Variants in FOXK1 observed in about 807,000 individuals in gnomAD.
FOXK1 encodes the protein forkhead box protein K1.
In FOXK1, 19 loss-of-function variants were observed where a neutral mutation model predicts 51.9. The observed-to-expected ratio is 0.37, with a 90% CI of 0.26 to 0.54. The LOEUF (loss-of-function observed/expected upper bound fraction) is 0.54. Ranked by LOEUF, FOXK1 falls within the 20% of genes least tolerant of loss-of-function variation. The pLI is 0.87. For missense variants in FOXK1, 870 were observed against 1,032.7 expected (o/e 0.84, Z 2.16); for synonymous variants, 537 against 482.6 (o/e 1.11, Z -1.48).
At chr7:4,693,887 A>G (rs532628235) in intron 1 of FOXK1, among the ~76,000 whole-genome samples, 6 of 152,072 alleles carry the variant, frequency 3.9e-5, no homozygotes, top group South Asian at 4.2e-4. Context: ...AAAAATAACA[A>G]AAGTTTTTTT....
chr7:4,759,603 A>G lies in FOXK1; in HGVS notation c.1696+8A>G. 1 of 1,532,336 alleles carries G rather than the reference A, an allele frequency of 6.5e-7. No individual in the cohort carries two copies. Among genetic ancestry groups the G allele is most frequent in the East Asian group, 2.4e-5 (1 of 40,860 alleles). 94.9% of individuals were successfully genotyped at this position (1,532,336 alleles called of 1,614,324 possible). On this transcript the variant is annotated splice_region_variant and intron_variant, in intron 7 of 8. Transcript: ENST00000328914. ...TGGGCAGCGAGGCCAGAGGTAATGC[A>G]GCCGCGGCTGGCAGCCTTCGCAGGA... is the stretch of plus-strand genomic sequence containing the variant.
chr7:4,714,671 C>T (rs145685276), intron 1 of FOXK1, among the ~76,000 whole-genome samples: 1,616 of 152,326 alleles, frequency 0.011, 25 homozygotes, highest in African/African-American at 0.026. Context: ...TTTTTCAAGG[C>T]TCATCTTAAG....
Position 4,722,345 on chromosome 7 carries a change from G to A in FOXK1, c.561-18493G>A, listed in dbSNP as rs1005971642. Among the ~76,000 whole-genome samples, 8 of 152,194 alleles carry A rather than the reference G, an allele frequency of 5.3e-5. No individual in the cohort carries two copies. Among genetic ancestry groups the A allele is most frequent in the Non-Finnish European group, 7.3e-5 (5 of 68,042 alleles). On this transcript the variant is annotated intron_variant, in intron 1 of 8. Transcript: ENST00000328914. The surrounding 1 kb of genome is among the most constrained non-coding windows in gnomAD (Gnocchi z 5.1). ...AGGTTTTACCCAGATTCCCATTGTT[G>A]CCTCTTATGTACTTTGGTCGTTCGT...
chr7:4,770,832 T>TA lies in FOXK1; in HGVS notation c.*8373dup, dbSNP rs776886748. The TA allele has an allele frequency of 7.9e-5, 12 of 151,468 alleles. No individual in the cohort carries two copies. Among genetic ancestry groups the TA allele is most frequent in the Non-Finnish European group, 1.5e-4 (10 of 67,974 alleles). The allele number at this position is 151,468 out of a possible 1,614,324, so 9.4% of individuals were successfully genotyped here. On this transcript the variant is annotated 3_prime_UTR_variant, in exon 9 of 9. Transcript: ENST00000328914. ...TTTAATCTGAACGATTATTCTCCTG[T>TA]AAAAATAATTTGGGAGGGGCGGGTG... is the stretch of plus-strand genomic sequence containing the variant.
intron 1 of FOXK1, among the ~76,000 whole-genome samples, chr7:4,740,226 C>T (rs896381825): frequency 4.6e-5 from 7 of 152,204 alleles, no homozygotes; most frequent in East Asian, 3.9e-4. Context: ...GTCAGGAGAT[C>T]GAGACCATCC....
At position 4,747,462 on chromosome 7, in the gene FOXK1, A is replaced by C. The variant is rs950906404; in HGVS notation, c.746+6439A>C. Among the ~76,000 whole-genome samples the C allele has an allele frequency of 6.6e-6, 1 of 152,202 alleles. No individual in the cohort carries two copies. Among genetic ancestry groups the C allele is most frequent in the Non-Finnish European group, 1.5e-5 (1 of 68,036 alleles). On this transcript the variant is annotated intron_variant, in intron 2 of 8. Coordinates refer to ENST00000328914, the MANE Select transcript of FOXK1 (RefSeq NM_001037165.2). The surrounding 1 kb of genome is among the most constrained non-coding windows in gnomAD (Gnocchi z 9.2). ...CACCAGGGCAAAGTGCACTTCAGAA[A>C]CAAGTTAATTTTATTTTCTAAATTA...
At chr7:4,688,512 C>A (rs974068552) in intron 1 of FOXK1, among the ~76,000 whole-genome samples, 2 of 152,042 alleles carry the variant, frequency 1.3e-5, no homozygotes, top group African/African-American at 2.4e-5. Context: ...CCCCCTGCCT[C>A]AGCCTCCCAA....
chr7:4,706,043 C>CGTATATATAT (rs1562373240), intron 1 of FOXK1, among the ~76,000 whole-genome samples: 40 of 95,204 alleles, frequency 4.2e-4, no homozygotes, highest in African/African-American at 3.4e-3. Flanking sequence ...CGTGTATATA[C>CGTATATATAT]GTGTATATAT....
chr7:4,717,379 G>A (rs1780249076), intron 1 of FOXK1, among the ~76,000 whole-genome samples: 1 of 149,748 alleles, frequency 6.7e-6, no homozygotes, highest in East Asian at 2.0e-4. Flanking sequence ...GGTGGCGGGA[G>A]GCATATGGCT....
chr7:4,733,214 AGCTGGGTTCTTGCTGTGTTGCCCAG>A lies in FOXK1; in HGVS notation c.561-7618_561-7594del, dbSNP rs1303658449. Among the ~76,000 whole-genome samples, 2 of 151,698 alleles carry A rather than the reference AGCTGGGTTCTTGCTGTGTTGCCCAG, an allele frequency of 1.3e-5. No homozygotes were observed. Among genetic ancestry groups the A allele is most frequent in the African/African-American group, 2.4e-5 (1 of 41,224 alleles). On this transcript the variant is annotated intron_variant, in intron 1 of 8. Coordinates refer to ENST00000328914, the MANE Select transcript of FOXK1 (RefSeq NM_001037165.2). This position sits in a 1 kb window ranked among gnomAD's most constrained non-coding sequence, Gnocchi z 5.0. ...TTAATTTTATTATTTTTTTATTTCAAGCTGGGTTCTTGCTGTGTTGCCCAGGCTGGTTTCAAACTCCTGGGCTCAA... is the reference window on the plus strand; with the variant it reads ...TTAATTTTATTATTTTTTTATTTCAAGCTGGTTTCAAACTCCTGGGCTCAA...
Position 4,755,204 on chromosome 7 carries a change from G to A in FOXK1, c.904-33G>A, listed in dbSNP as rs750908097. 2.5e-6 allele frequency: 4 copies of A among 1,610,036 alleles called. No individual in the cohort carries two copies. Among genetic ancestry groups the A allele is most frequent in the Admixed American group, 1.7e-5 (1 of 59,872 alleles). On this transcript the variant is annotated intron_variant, in intron 3 of 8. Coordinates refer to ENST00000328914, the MANE Select transcript of FOXK1 (RefSeq NM_001037165.2). This position sits in a 1 kb window ranked among gnomAD's most constrained non-coding sequence, Gnocchi z 6.6. Reference sequence around the variant, plus strand: ...GTGGGGTAGACTCAGGGACCTTGCTGGAGCTCATCCCGTGAGCCGTGTTTC... The same window carrying A: ...GTGGGGTAGACTCAGGGACCTTGCTAGAGCTCATCCCGTGAGCCGTGTTTC...
At chr7:4,760,270 A>C (rs1780914217) in intron 7 of FOXK1, among the ~76,000 whole-genome samples, 1 of 152,174 alleles carries the variant, frequency 6.6e-6, no homozygotes, top group South Asian at 2.1e-4. Context: ...AGTAGTTCTG[A>C]ATTGCTAAAA....
At position 4,762,066 on chromosome 7, in the gene FOXK1, C is replaced by T. The variant is rs1780939576; in HGVS notation, c.1922-118C>T. The T allele has an allele frequency of 4.9e-6, 6 of 1,218,504 alleles. No individual in the cohort carries two copies. Among genetic ancestry groups the T allele is most frequent in the Non-Finnish European group, 6.8e-6 (6 of 883,400 alleles). 75.5% of individuals were successfully genotyped at this position (1,218,504 alleles called of 1,614,324 possible). On this transcript the variant is annotated intron_variant, in intron 8 of 8. Coordinates refer to ENST00000328914, the MANE Select transcript of FOXK1 (RefSeq NM_001037165.2). This position sits in a 1 kb window ranked among gnomAD's most constrained non-coding sequence, Gnocchi z 5.7. ...GAGCAAGGGTAGCCGTCCTGCCTGG[C>T]AGGGGTGCACTGACCTCCGGTTCCG...
chr7:4,720,489 A>T (rs1780294651), intron 1 of FOXK1, among the ~76,000 whole-genome samples: 1 of 152,070 alleles, frequency 6.6e-6, no homozygotes, highest in East Asian at 1.9e-4. Context: ...GTGTGAGCCC[A>T]TTCATTGAGG....
At chr7:4,760,347 C>T (rs1562392237) in intron 7 of FOXK1, among the ~76,000 whole-genome samples, 1 of 152,180 alleles carries the variant, frequency 6.6e-6, no homozygotes, top group Non-Finnish European at 1.5e-5. Flanking sequence ...AGCTCCTCTC[C>T]GGAACGCCTG....
intron 2 of FOXK1, among the ~76,000 whole-genome samples, chr7:4,746,700 A>G (rs1454165763): frequency 6.6e-6 from 1 of 152,194 alleles, no homozygotes; most frequent in Non-Finnish European, 1.5e-5. Context: ...AAAATTAATA[A>G]TTAAAAAACA....
Position 4,731,842 on chromosome 7 carries a change from TC to T in FOXK1, c.561-8994del, listed in dbSNP as rs1222648082. 6.6e-6 allele frequency among the ~76,000 whole-genome samples: 1 copy of T among 151,914 alleles called. No individual in the cohort carries two copies. Among genetic ancestry groups the T allele is most frequent in the African/African-American group, 2.4e-5 (1 of 41,328 alleles). Reference sequence around the variant, plus strand: ...GGGCTGTTTTCCTTTGTCCTTCCAGTCCTTGTCTAATAACAAGAATAACTGA... The same window carrying T: ...GGGCTGTTTTCCTTTGTCCTTCCAGTCTTGTCTAATAACAAGAATAACTGA... On this transcript the variant is annotated intron_variant, in intron 1 of 8. Transcript: ENST00000328914. The surrounding 1 kb of genome is among the most constrained non-coding windows in gnomAD (Gnocchi z 5.3).
Position 4,690,399 on chromosome 7 carries a change from G to C in FOXK1, c.560+7531G>C, listed in dbSNP as rs1304360934. Among the ~76,000 whole-genome samples, 4 of 152,236 alleles carry C rather than the reference G, an allele frequency of 2.6e-5. No individual in the cohort carries two copies. In the South Asian group the frequency reaches 8.3e-4, roughly 31 times the overall value. On this transcript the variant is annotated intron_variant, in intron 1 of 8. Transcript: ENST00000328914. ...AGTGTTTTGCTAGTTGGCAGTTTTT[G>C]TGTATCACATATATTTGTTCCAAGT...
chr7:4,750,559 C>T (rs1419123154), intron 2 of FOXK1, among the ~76,000 whole-genome samples: 1 of 151,948 alleles, frequency 6.6e-6, no homozygotes, highest in Non-Finnish European at 1.5e-5. Context: ...TCTCCTGCCT[C>T]AGCCTCCCAA....
Sources: allele counts gnomAD v4.1 joint callset (sites outside exome capture counted in the v4.1 genomes callset), GRCh38; gene constraint gnomAD v4.1.1; non-coding constraint Gnocchi (gnomAD v3.1); transcripts MANE v1.5; gene names NCBI Gene and HGNC (gene_info 2026-07-23, HGNC 2026-07-21).